TBC1D1: variants seen among roughly 807,000 people sequenced by gnomAD.
TBC1D1 encodes TBC1 (tre-2/USP6, BUB2, cdc16) domain family, member 1.
In TBC1D1, 89 loss-of-function variants were observed where a neutral mutation model predicts 125.6. The ratio of observed to expected loss-of-function variants is 0.71; its 90% CI spans 0.60 to 0.85. TBC1D1 has a LOEUF of 0.85. Ranked by LOEUF, TBC1D1 falls within the 40% of genes least tolerant of loss-of-function variation. The probability of loss-of-function intolerance (pLI) is 0.00; values close to 1 mark genes in which losing one functional copy is unlikely to be tolerated. For missense variants in TBC1D1, 1,377 were observed against 1,469.2 expected (o/e 0.94, Z 1.03); for synonymous variants, 565 against 564.1 (o/e 1.00, Z -0.02).
intron 12 of TBC1D1, among the ~76,000 whole-genome samples, chr4:38,077,560 G>GCCC (rs1261353636): frequency 6.6e-6 from 1 of 151,076 alleles, no homozygotes; most frequent in Admixed American, 6.6e-5. Flanking sequence ...TATGAAATCT[G>GCCC]CCCATCTATA....
rs781146620 is a variant in TBC1D1, at chr4:38,115,825, A to C, written c.2673A>C (p.Gln891His). 3 of 1,614,106 alleles carry C rather than the reference A, an allele frequency of 1.9e-6. No homozygotes were observed. In the African/African-American group the frequency reaches 4.0e-5, roughly 22 times the overall value. Residue 891 changes from glutamine to histidine, a missense_variant, in exon 16 of 20, where the codon CAA becomes CAC. Coordinates refer to ENST00000261439, the MANE Select transcript of TBC1D1 (RefSeq NM_015173.4). ...TAGACCAGGAAGTGGGATATTGCCAAGGTCTCAGCTTTGTAGCAGGCATTT... is the reference window on the plus strand; with the variant it reads ...TAGACCAGGAAGTGGGATATTGCCACGGTCTCAGCTTTGTAGCAGGCATTT...
intron 7 of TBC1D1, among the ~76,000 whole-genome samples, chr4:38,034,093 T>C (rs1746740856): frequency 6.6e-6 from 1 of 152,236 alleles, no homozygotes; most frequent in African/African-American, 2.4e-5. Flanking sequence ...TTTTCCAAAG[T>C]GGCTGTACTG....
rs1286278977 is a variant in TBC1D1, at chr4:38,137,925, C to G, written c.*590C>G. ...CCAAGATGATGAGTTCAGCCTTTAT[C>G]CCTCGTGGTTCCACTAGATGTAACT... On this transcript the variant is annotated 3_prime_UTR_variant, in exon 20 of 20. Transcript: ENST00000261439. 1 of 152,646 alleles carries G rather than the reference C, an allele frequency of 6.6e-6. No homozygotes were observed. Among genetic ancestry groups the G allele is most frequent in the Non-Finnish European group, 1.5e-5 (1 of 68,076 alleles). 9.5% of individuals were successfully genotyped at this position (152,646 alleles called of 1,614,324 possible). A position where few individuals can be genotyped will look rare whatever the true frequency, so the allele number is the denominator to read the frequency against.
At chr4:38,126,314 C>T (rs1031945281) in intron 18 of TBC1D1, among the ~76,000 whole-genome samples, 9 of 152,158 alleles carry the variant, frequency 5.9e-5, no homozygotes, top group African/African-American at 1.7e-4. Context: ...AACTGTGTAA[C>T]GAAAGCATAG....
chr4:37,964,552 T>C (rs962931864), intron 2 of TBC1D1, among the ~76,000 whole-genome samples: 1 of 152,206 alleles, frequency 6.6e-6, no homozygotes, highest in Non-Finnish European at 1.5e-5. Flanking sequence ...CCAATGTGCC[T>C]GCCTTCCCGA....
At position 38,040,976 on chromosome 4, in the gene TBC1D1, C is replaced by T. The variant is rs1748251739; in HGVS notation, c.1414-3386C>T. On this transcript the variant is annotated intron_variant, in intron 8 of 19. Transcript: ENST00000261439. ...CAATATTACATGTCCAGGGTACGCT[C>T]TATAGTGTGAAACACAAAGGTAAAT... 2.6e-5 allele frequency among the ~76,000 whole-genome samples: 4 copies of T among 152,200 alleles called. No individual in the cohort carries two copies. In the South Asian group the frequency reaches 6.2e-4, roughly 24 times the overall value.
At chr4:38,083,217 A>G (rs1756883089) in intron 12 of TBC1D1, among the ~76,000 whole-genome samples, 1 of 152,218 alleles carries the variant, frequency 6.6e-6, no homozygotes, top group Admixed American at 6.5e-5. Context: ...ATATGAGATC[A>G]CTTTTGCTTA....
intron 2 of TBC1D1, among the ~76,000 whole-genome samples, chr4:37,944,729 C>T (rs1176517985): frequency 1.3e-5 from 2 of 152,192 alleles, no homozygotes; most frequent in African/African-American, 4.8e-5. Flanking sequence ...CAGGGGCTGT[C>T]TGTTACGGCT....
At chr4:38,024,036 A>G (rs1171635169) in intron 6 of TBC1D1, among the ~76,000 whole-genome samples, 1 of 152,154 alleles carries the variant, frequency 6.6e-6, no homozygotes, top group Non-Finnish European at 1.5e-5. Flanking sequence ...TAGATGTGAA[A>G]TGGTATCTGG....
intron 12 of TBC1D1, among the ~76,000 whole-genome samples, 171 bp from the exon 15 acceptor site, chr4:38,089,761 G>A (rs547740563): frequency 3.9e-5 from 6 of 152,304 alleles, no homozygotes; most frequent in South Asian, 2.1e-4. Context: ...TTTGTTTCAC[G>A]TTTGTGGCTC....
In TBC1D1 at chr4:37,989,505, G is replaced by A. The variant is rs145696643; in HGVS notation, c.418-25004G>A. Among the ~76,000 whole-genome samples the A allele has an allele frequency of 2.0e-3, 307 of 152,312 alleles. 1 individual carries two copies. The highest frequency in any genetic ancestry group is 7.2e-3 in the African/African-American group (299 of 41,554). On this transcript the variant is annotated intron_variant, in intron 2 of 19. Coordinates refer to ENST00000261439, the MANE Select transcript of TBC1D1 (RefSeq NM_015173.4). ...GCACGTGTTCTCAGGACCTCCTGGGGTTGTGTCATGGGTCGTGGTCCTCAC... is the reference window on the plus strand; with the variant it reads ...GCACGTGTTCTCAGGACCTCCTGGGATTGTGTCATGGGTCGTGGTCCTCAC...
intron 2 of TBC1D1, among the ~76,000 whole-genome samples, chr4:37,916,756 CTGTTT>C (rs530982240): frequency 3.9e-5 from 6 of 152,034 alleles, no homozygotes; most frequent in African/African-American, 1.2e-4. Flanking sequence ...TTAGCTGCTA[CTGTTT>C]TGTTTTGTTT....
At chr4:37,961,791 C>A (rs1418304521) in intron 2 of TBC1D1, among the ~76,000 whole-genome samples, 1 of 152,188 alleles carries the variant, frequency 6.6e-6, no homozygotes, top group Non-Finnish European at 1.5e-5. Context: ...TATTTAAGAA[C>A]CATCAAAGGC....
chr4:38,088,585 G>C (rs976962876), intron 12 of TBC1D1, among the ~76,000 whole-genome samples: 1 of 152,112 alleles, frequency 6.6e-6, no homozygotes, highest in African/African-American at 2.4e-5. Flanking sequence ...TTGAGTAGCT[G>C]AAATTTTGAT....
chr4:38,044,276 C>CAA (rs1445879045), intron 8 of TBC1D1, 86 bp from the exon 9 acceptor site: 1 of 1,443,942 alleles, frequency 6.9e-7, no homozygotes, highest in Non-Finnish European at 9.3e-7. Context: ...GGCCTGGTGC[C>CAA]AAAAAGATGT....
At chr4:38,000,727 G>C (rs1578215523) in intron 2 of TBC1D1, among the ~76,000 whole-genome samples, 1 of 152,148 alleles carries the variant, frequency 6.6e-6, no homozygotes, top group Admixed American at 6.5e-5. Flanking sequence ...CCAGTGATCA[G>C]TTAAATTCTG....
At position 38,072,629 on chromosome 4, in the gene TBC1D1, A is replaced by T; in HGVS notation, c.2051-17303A>T. Among the ~76,000 whole-genome samples, 3 of 152,364 alleles carry T rather than the reference A, an allele frequency of 2.0e-5. No individual in the cohort carries two copies. In the South Asian group the frequency reaches 6.2e-4, roughly 32 times the overall value. On this transcript the variant is annotated intron_variant, in intron 12 of 19. Coordinates refer to ENST00000261439, the MANE Select transcript of TBC1D1 (RefSeq NM_015173.4). The stretch of plus-strand genomic sequence containing the variant: ...AAAAAAAATTTTTTATTGTGGTAAA[A>T]AACATAAACATAATACTACCATCTA...
chr4:38,090,082 T>C lies in TBC1D1; in HGVS notation c.2201T>C (p.Leu734Pro), dbSNP rs1207356676. The C allele has an allele frequency of 1.2e-6, 2 of 1,614,012 alleles. No homozygotes were observed. Among genetic ancestry groups the C allele is most frequent in the African/African-American group, 2.7e-5 (2 of 74,938 alleles). Reference sequence around the variant, plus strand: ...AAGGCTATTCTTCAACAGATACTGCTGCTTAGAATGGAGAAGGAAAATCAG... The same window carrying C: ...AAGGCTATTCTTCAACAGATACTGCCGCTTAGAATGGAGAAGGAAAATCAG... Residue 734 changes from leucine to proline, a missense_variant, in exon 13 of 20, where the codon CTG (leucine) becomes CCG (proline). Physicochemically the swap from Leu to Pro is moderately conservative, Grantham distance 98. Coordinates refer to ENST00000261439, the MANE Select transcript of TBC1D1 (RefSeq NM_015173.4).
chr4:37,958,992 T>G (rs528655819), intron 2 of TBC1D1, among the ~76,000 whole-genome samples: 23 of 152,310 alleles, frequency 1.5e-4, no homozygotes, highest in African/African-American at 5.3e-4. Flanking sequence ...AAGCTCCATA[T>G]AGAGGTTACA....
Sources: gnomAD v4.1 joint callset for allele counts (sites outside exome capture counted in the v4.1 genomes callset) on GRCh38, gnomAD v4.1.1 for gene constraint, MANE v1.5 for transcripts, NCBI Gene and HGNC (gene_info 2026-07-23, HGNC 2026-07-21) for gene names.